The following CEP85L variants were observed in gnomAD, a reference collection of about 807,000 sequenced individuals.
The protein encoded by CEP85L is centrosomal protein of 85 kDa-like.
In CEP85L, 60 loss-of-function variants were observed where a neutral mutation model predicts 100.3. That is an observed-to-expected ratio of 0.60 (90% CI 0.49 to 0.74). The LOEUF is 0.74. Ranked by LOEUF, CEP85L falls within the 30% of genes least tolerant of loss-of-function variation. The probability of loss-of-function intolerance (pLI) is 0.00; values close to 1 mark genes in which losing one functional copy is unlikely to be tolerated. For synonymous variants in CEP85L, 319 were observed against 322.7 expected, an observed-to-expected ratio of 0.99 and a Z score of 0.12; for missense variants, 973 against 936.2, an observed-to-expected ratio of 1.04 and a Z score of -0.51.
chr6:118,638,574 T>C (rs1774664613), intron 1 of CEP85L, among the ~76,000 whole-genome samples: 1 of 148,368 alleles, frequency 6.7e-6, no homozygotes, highest in African/African-American at 2.5e-5. Context: ...TAGTATGCAA[T>C]ATGCACTTAA....
In CEP85L at chr6:118,460,909, C is replaced by A. The variant is rs1163881228; in HGVS notation, c.*4496G>T. 6.6e-6 allele frequency: 1 copy of A among 151,998 alleles called. No homozygotes were observed. Among genetic ancestry groups the A allele is most frequent in the African/African-American group, 2.4e-5 (1 of 41,420 alleles). The allele number at this position is 151,998 out of a possible 1,614,324, so 9.4% of individuals were successfully genotyped here. On this transcript the variant is annotated 3_prime_UTR_variant, in exon 13 of 13. Coordinates refer to ENST00000368491, the MANE Select transcript of CEP85L (RefSeq NM_001042475.3). ...AAATAGAACTTTGGCATTCAAAATT[C>A]TAGCTGTAAACCCTATTAAAAAACA... is the stretch of plus-strand genomic sequence containing the variant.
chr6:118,542,790 A>C (rs1165524349), intron 3 of CEP85L, among the ~76,000 whole-genome samples: 2 of 149,994 alleles, frequency 1.3e-5, no homozygotes, highest in Non-Finnish European at 3.0e-5. Context: ...CAATGCAGTC[A>C]CTCTGGTTTG....
upstream of CEP85L, chr6:118,652,873 T>A: frequency 1.4e-6 from 1 of 713,624 alleles, no homozygotes; most frequent in South Asian, 1.9e-5. Flanking sequence ...ATTATTTTAA[T>A]GTGCACTAGC....
chr6:118,599,682 C>A (rs890689976), intron 2 of CEP85L, among the ~76,000 whole-genome samples: 2 of 151,990 alleles, frequency 1.3e-5, no homozygotes, highest in Non-Finnish European at 2.9e-5. Flanking sequence ...CTTAAACAAG[C>A]GACCAAGGTA....
chr6:118,600,665 C>T (rs992334564), intron 2 of CEP85L, among the ~76,000 whole-genome samples: 1 of 151,656 alleles, frequency 6.6e-6, no homozygotes, highest in African/African-American at 2.4e-5. Context: ...AAGCTACCAA[C>T]CTGGTCCTTA....
At chr6:118,581,671 T>C (rs1780586733) in intron 2 of CEP85L, among the ~76,000 whole-genome samples, 1 of 152,028 alleles carries the variant, frequency 6.6e-6, no homozygotes, top group African/African-American at 2.4e-5. Context: ...CCACCCTGAG[T>C]CATACACCAA....
intron 7 of CEP85L, 72 bp downstream of exon 7, chr6:118,483,630 ATAGT>A: frequency 7.1e-7 from 1 of 1,412,024 alleles, no homozygotes; most frequent in Non-Finnish European, 9.7e-7. Flanking sequence ...GATTTAACTT[ATAGT>A]TAGCCAAATT....
At position 118,480,548 on chromosome 6, in the gene CEP85L, C is replaced by T. The variant is rs376272075; in HGVS notation, c.1746-35G>A. ...AAGACAATTATATGAAGAAAATAAG[C>T]TCTATTTGCTGATTTTGGTAATGAT... On this transcript the variant is annotated intron_variant, in intron 8 of 12. Transcript: ENST00000368491. 4.5e-5 allele frequency: 58 copies of T among 1,296,686 alleles called. No individual in the cohort carries two copies. The African/African-American group carries it at 8.0e-4, about 18-fold the overall frequency. 80.3% of individuals were successfully genotyped at this position (1,296,686 alleles called of 1,614,324 possible). A position where few individuals can be genotyped will look rare whatever the true frequency, so the allele number is the denominator to read the frequency against.
intron 3 of CEP85L, among the ~76,000 whole-genome samples, chr6:118,551,723 A>G (rs903865081): frequency 3.3e-5 from 5 of 152,008 alleles, no homozygotes; most frequent in African/African-American, 1.2e-4. Context: ...ATGCATATAC[A>G]ATTATTTTCA....
chr6:118,501,075 G>A (rs1038400807), intron 5 of CEP85L, among the ~76,000 whole-genome samples: 1 of 152,106 alleles, frequency 6.6e-6, no homozygotes, highest in African/African-American at 2.4e-5. Flanking sequence ...TGTTTGTCAT[G>A]ATTGTTTTTG....
In CEP85L at chr6:118,566,183, G is replaced by A; in HGVS notation, c.366C>T (p.Gly122=). ...GCATGAGGCTTGTACTCCATTTTGA[G>A]CCATCTGGTGTCAATGATTCCCTAA... ...SKLRESLTPD[G]SKWSTSLMQT... The change falls in exon 3 of 13, where the codon GGC becomes GGT. Residue 122 remains glycine (G), a synonymous_variant. Coordinates refer to ENST00000368491, the MANE Select transcript of CEP85L (RefSeq NM_001042475.3). 1 of 1,614,148 alleles carries A rather than the reference G, an allele frequency of 6.2e-7. No homozygotes were observed. The highest frequency in any genetic ancestry group is 1.1e-5 in the South Asian group (1 of 91,078).
At chr6:118,516,902 C>G (rs1226002643) in intron 4 of CEP85L, among the ~76,000 whole-genome samples, 5 of 152,116 alleles carry the variant, frequency 3.3e-5, no homozygotes, top group African/African-American at 1.2e-4. Context: ...AGTTTTTAAT[C>G]CATCTTTAGT....
intron 2 of CEP85L, chr6:118,589,473 A>T (rs530318671): frequency 1.1e-5 from 3 of 261,136 alleles, no homozygotes; most frequent in African/African-American, 6.9e-5. Context: ...TCACAAAACA[A>T]TGGGAAACAG....
At chr6:118,647,347 T>C (rs977631227) in intron 1 of CEP85L, among the ~76,000 whole-genome samples, 20 of 152,072 alleles carry the variant, frequency 1.3e-4, no homozygotes, top group African/African-American at 4.8e-4. Context: ...GTTTTAAGAG[T>C]TGAATATATG....
intron 2 of CEP85L, among the ~76,000 whole-genome samples, chr6:118,582,307 T>C (rs1195094954): frequency 6.6e-6 from 1 of 152,222 alleles, no homozygotes; most frequent in Non-Finnish European, 1.5e-5. Context: ...AATTTTCTGA[T>C]GACTCCGATA....
intron 1 of CEP85L, among the ~76,000 whole-genome samples, chr6:118,650,174 G>A (rs1775454813): frequency 6.6e-6 from 1 of 152,144 alleles, no homozygotes; most frequent in African/African-American, 2.4e-5. Context: ...CTTAACAGGA[G>A]TCCCAGAAAC....
Position 118,566,314 on chromosome 6 carries a change from G to T in CEP85L, c.235C>A (p.His79Asn). 6.2e-7 allele frequency: 1 copy of T among 1,606,274 alleles called. No homozygotes were observed. The highest frequency in any genetic ancestry group is 8.5e-7 in the Non-Finnish European group (1 of 1,176,840). The change falls in exon 3 of 13, where the codon CAT (histidine) becomes AAT (asparagine). Residue 79 changes from histidine to asparagine, a missense_variant and splice_region_variant. By Grantham distance (68) the His-to-Asn change is moderately conservative. Transcript: ENST00000368491. ...GTSCSDSVED[H>N]STSSGTLSFK... ...GATAATGTGCCACTTGAAGTTGAATGATCTGGAAAGAAAAAAGATGGTCAA... is the reference window on the plus strand; with the variant it reads ...GATAATGTGCCACTTGAAGTTGAATTATCTGGAAAGAAAAAAGATGGTCAA...
rs1474442768 is a variant in CEP85L at position 118,530,545 on chromosome 6, A to AT, written c.1021-6626_1021-6625insA. 3.3e-5 allele frequency among the ~76,000 whole-genome samples: 5 copies of AT among 152,276 alleles called. No homozygotes were observed. The South Asian group carries it at 1.0e-3, about 32-fold the overall frequency. On this transcript the variant is annotated intron_variant, in intron 3 of 12. Transcript: ENST00000368491. ...AGCAATCAGGCAAGAGAGAGAAATA[A>AT]AAGGCATACAAATAGGAAGAGAGAA...
intron 1 of CEP85L, among the ~76,000 whole-genome samples, chr6:118,700,584 G>C (rs1777374246): frequency 6.6e-6 from 1 of 152,146 alleles, no homozygotes. Flanking sequence ...CAATTCCTTT[G>C]GTGAGAACAT....
Sources: gnomAD v4.1 joint callset for allele counts (sites outside exome capture counted in the v4.1 genomes callset) on GRCh38, gnomAD v4.1.1 for gene constraint, MANE v1.5 for transcripts, NCBI Gene and HGNC (gene_info 2026-07-23, HGNC 2026-07-21) for gene names.